TMPRSS11B: variants seen among roughly 807,000 people sequenced by gnomAD.
The protein encoded by TMPRSS11B is transmembrane serine protease 11B, also known as transmembrane protease serine 11B.
TMPRSS11B carries 53 observed loss-of-function variants against 44.7 expected under a neutral mutation model. The observed-to-expected ratio is 1.19, with a 90% CI of 0.95 to 1.49. The LOEUF (loss-of-function observed/expected upper bound fraction) is 1.49, where lower values mean the gene tolerates loss of function less well. Among genes scored for constraint, TMPRSS11B ranks in the 40% most tolerant of loss-of-function variants. TMPRSS11B has a pLI of 0.00. For synonymous variants in TMPRSS11B, 140 were observed against 159.2 expected, an observed-to-expected ratio of 0.88 and a Z score of 0.91; for missense variants, 526 against 494.8, an observed-to-expected ratio of 1.06 and a Z score of -0.60.
At chr4:68,243,005 A>G (rs1219797538) in intron 1 of TMPRSS11B, among the ~76,000 whole-genome samples, 3 of 152,220 alleles carry the variant, frequency 2.0e-5, no homozygotes, top group Non-Finnish European at 4.4e-5. Flanking sequence ...CATCATAGAG[A>G]TAAAGCAGTT....
intron 4 of TMPRSS11B, among the ~76,000 whole-genome samples, chr4:68,235,742 T>TA (rs34663869): frequency 0.025 from 3,780 of 152,278 alleles, 145 homozygotes; most frequent in African/African-American, 0.084. Flanking sequence ...TTTGCAGGTA[T>TA]AAGATTAAAG....
In TMPRSS11B at chr4:68,236,168, T is replaced by G. The variant is rs1027601551; in HGVS notation, c.223A>C (p.Lys75Gln). Reference sequence around the variant, plus strand: ...TGATTTACCTTAGTCTCAATATCTTTGCTTAGATTTGTGCTGGCTTGTGAA... The same window carrying G: ...TGATTTACCTTAGTCTCAATATCTTGGCTTAGATTTGTGCTGGCTTGTGAA... ...AASQASTNLS[K>Q]DIETKMLNAF... Residue 75 changes from lysine (K) to glutamine (Q), a missense_variant, in exon 3 of 10, where the codon AAA becomes CAA. Physicochemically the swap from Lys to Gln is moderately conservative, Grantham distance 53. Coordinates refer to ENST00000332644, the MANE Select transcript of TMPRSS11B (RefSeq NM_182502.3). 1 of 1,608,998 alleles carries G rather than the reference T, an allele frequency of 6.2e-7. No individual in the cohort carries two copies. The highest frequency in any genetic ancestry group is 8.5e-7 in the Non-Finnish European group (1 of 1,177,654).
chr4:68,239,272 GCT>G (rs201289083), intron 2 of TMPRSS11B, among the ~76,000 whole-genome samples: 1 of 145,266 alleles, frequency 6.9e-6, no homozygotes, highest in Non-Finnish European at 1.5e-5. Context: ...TCGCGCGCGC[GCT>G]CTCTCTCTCG....
At chr4:68,234,192 A>G (rs751545802) in intron 5 of TMPRSS11B, among the ~76,000 whole-genome samples, 8 of 152,036 alleles carry the variant, frequency 5.3e-5, no homozygotes, top group Non-Finnish European at 8.8e-5. Flanking sequence ...ATTCAATTAG[A>G]ACCCTTCACC....
intron 2 of TMPRSS11B, among the ~76,000 whole-genome samples, chr4:68,239,220 T>C (rs997898391): frequency 1.3e-5 from 2 of 152,288 alleles, no homozygotes; most frequent in East Asian, 1.9e-4. Flanking sequence ...CTAGTCTCCT[T>C]ATAAGAGAAA....
In TMPRSS11B at chr4:68,231,186, C is replaced by T; in HGVS notation, c.686+17G>A. ...TTGCACCTAGCATCCTTCATTTAGTCAAATTTTCAAACTTACTTAGCAAAG... is the reference window on the plus strand; with the variant it reads ...TTGCACCTAGCATCCTTCATTTAGTTAAATTTTCAAACTTACTTAGCAAAG... On this transcript the variant is annotated intron_variant, in intron 7 of 9. Transcript: ENST00000332644. 1 of 1,591,052 alleles carries T rather than the reference C, an allele frequency of 6.3e-7. No individual in the cohort carries two copies.
At chr4:68,242,353 AATATT>A (rs1381836275) in intron 1 of TMPRSS11B, among the ~76,000 whole-genome samples, 5 of 14,624 alleles carry the variant, frequency 3.4e-4, no homozygotes, top group South Asian at 3.3e-3. Flanking sequence ...TATTATATAT[AATATT>A]ATATTATATA....
chr4:68,232,402 C>A lies in TMPRSS11B; in HGVS notation c.484G>T (p.Ala162Ser). Reference sequence around the variant, plus strand: ...CAGTTGTTGGTAAGCATTTCAGAAGCAGCCTTGCTGATTTCTGAAAGTGAA... The same window carrying A: ...CAGTTGTTGGTAAGCATTTCAGAAGAAGCCTTGCTGATTTCTGAAAGTGAA... ...SIKLMEISKA[A>S]SEMLTNNCCG... is the part of the protein sequence containing the mutation. The change falls in exon 6 of 10, where the codon GCT (alanine) becomes TCT (serine). Residue 162 changes from alanine (A) to serine (S), a missense_variant. By Grantham distance (99) the Ala-to-Ser change is moderately conservative (BLOSUM62 1). Coordinates refer to ENST00000332644, the MANE Select transcript of TMPRSS11B (RefSeq NM_182502.3). 1 of 1,611,810 alleles carries A rather than the reference C, an allele frequency of 6.2e-7. No homozygotes were observed. The highest frequency in any genetic ancestry group is 1.1e-5 in the South Asian group (1 of 90,698).
intron 2 of TMPRSS11B, among the ~76,000 whole-genome samples, chr4:68,240,544 T>A (rs1329407157): frequency 2.0e-5 from 3 of 152,198 alleles, no homozygotes; most frequent in African/African-American, 7.2e-5. Context: ...AAAGGGGACC[T>A]GTTAAGATGC....
At chr4:68,240,662 AG>A (rs1719799094) in intron 2 of TMPRSS11B, among the ~76,000 whole-genome samples, 2 of 152,180 alleles carry the variant, frequency 1.3e-5, no homozygotes, top group Admixed American at 1.3e-4. Flanking sequence ...TAATGAGTAG[AG>A]GGAAAGAGAG....
In TMPRSS11B at chr4:68,234,603, T is replaced by C; in HGVS notation, c.329A>G (p.Asn110Ser). Reference protein sequence around the residue: ...IKLLPNANGSNVQLQLKFKFP... With the variant: ...IKLLPNANGSSVQLQLKFKFP... ...CTTGAATTTCAGCTGTAACTGCACA[T>C]TTGAACCATTGGCATTAGGCCTAGA... The change falls in exon 5 of 10, where the codon AAT becomes AGT. Residue 110 changes from asparagine (N) to serine (S), a missense_variant. Physicochemically the swap from Asn to Ser is conservative, Grantham distance 46. Coordinates refer to ENST00000332644, the MANE Select transcript of TMPRSS11B (RefSeq NM_182502.3). The C allele has an allele frequency of 3.1e-6, 5 of 1,613,918 alleles. No individual in the cohort carries two copies. Among genetic ancestry groups the C allele is most frequent in the Non-Finnish European group, 3.4e-6 (4 of 1,179,912 alleles).
chr4:68,231,160 T>C (rs374490568), intron 7 of TMPRSS11B, 43 bp downstream of exon 7: 433 of 1,550,262 alleles, frequency 2.8e-4, no homozygotes, highest in Non-Finnish European at 3.6e-4. Context: ...CCAAAATAGT[T>C]TTGCACCTAG....
At chr4:68,238,072 T>A (rs1480972234) in intron 2 of TMPRSS11B, among the ~76,000 whole-genome samples, 3 of 152,112 alleles carry the variant, frequency 2.0e-5, no homozygotes, top group Non-Finnish European at 4.4e-5. Context: ...TTTGGTTAAG[T>A]AATTAGCCAT....
chr4:68,234,395 A>C (rs1719603057), intron 5 of TMPRSS11B, 68 bp downstream of exon 5: 1 of 1,513,044 alleles, frequency 6.6e-7, no homozygotes, highest in African/African-American at 1.4e-5. Flanking sequence ...TTCACTTTTT[A>C]GTACTTTTTA....
Position 68,234,568 on chromosome 4 carries a change from C to A in TMPRSS11B, c.364G>T (p.Ala122Ser). The change falls in exon 5 of 10, where the codon GCA (alanine) becomes TCA (serine). Residue 122 changes from alanine to serine, a missense_variant. Ala to Ser is a moderately conservative substitution (Grantham distance 99, BLOSUM62 1). Coordinates refer to ENST00000332644, the MANE Select transcript of TMPRSS11B (RefSeq NM_182502.3). ...TTAGTCCTCATGCTAACTCCTTCTG[C>A]TGGAGGAAACTTGAATTTCAGCTGT... The part of the protein sequence containing the change: ...QLQLKFKFPP[A>S]EGVSMRTKIK... The A allele has an allele frequency of 6.2e-7, 1 of 1,613,908 alleles. No individual in the cohort carries two copies. The highest frequency in any genetic ancestry group is 8.5e-7 in the Non-Finnish European group (1 of 1,179,942).
At chr4:68,237,782 A>T (rs1719714773) in intron 2 of TMPRSS11B, among the ~76,000 whole-genome samples, 1 of 152,170 alleles carries the variant, frequency 6.6e-6, no homozygotes, top group Non-Finnish European at 1.5e-5. Flanking sequence ...TTTTGAAGTC[A>T]AGTTGGGAGG....
At position 68,226,953 on chromosome 4, in the gene TMPRSS11B, A is replaced by T. The variant is rs1479709378; in HGVS notation, c.*958T>A. The T allele has an allele frequency of 6.6e-6, 1 of 152,374 alleles. No homozygotes were observed. The highest frequency in any genetic ancestry group is 2.1e-4 in the South Asian group (1 of 4,830). The allele number at this position is 152,374 out of a possible 1,614,324, so 9.4% of individuals were successfully genotyped here. On this transcript the variant is annotated 3_prime_UTR_variant, in exon 10 of 10. Coordinates refer to ENST00000332644, the MANE Select transcript of TMPRSS11B (RefSeq NM_182502.3). ...TAATTCCTGACAAATTTTGGATGTC[A>T]ACTCAATGAGGACAAATTTGTGTAA...
chr4:68,237,212 A>T (rs1292139808), intron 2 of TMPRSS11B, among the ~76,000 whole-genome samples: 1 of 151,970 alleles, frequency 6.6e-6, no homozygotes, highest in Non-Finnish European at 1.5e-5. Context: ...TTCCTGTGTT[A>T]GTTTGCTGAG....
Position 68,228,045 on chromosome 4 carries a change from G to T in TMPRSS11B, c.1117C>A (p.Pro373Thr). 1 of 1,610,620 alleles carries T rather than the reference G, an allele frequency of 6.2e-7. No individual in the cohort carries two copies. Among genetic ancestry groups the T allele is most frequent in the South Asian group, 1.1e-5 (1 of 90,264 alleles). The stretch of plus-strand genomic sequence containing the variant: ...AGATGCCAGATATTTCTGGAATCAG[G>T]GTAAGCTAGTGGTCCACCAGAATCA... ...QNDSGGPLAY[P>T]DSRNIWHLVG... The change falls in exon 10 of 10, where the codon CCT (proline) becomes ACT (threonine). Residue 373 changes from proline (P) to threonine (T), a missense_variant. Physicochemically the swap from Pro to Thr is conservative, Grantham distance 38. Coordinates refer to ENST00000332644, the MANE Select transcript of TMPRSS11B (RefSeq NM_182502.3).
Sources: gnomAD v4.1 joint callset for allele counts (sites outside exome capture counted in the v4.1 genomes callset) on GRCh38, gnomAD v4.1.1 for gene constraint, MANE v1.5 for transcripts, NCBI Gene and HGNC (gene_info 2026-07-23, HGNC 2026-07-21) for gene names.